Variants in MCFD2 observed in about 807,000 individuals in gnomAD.
MCFD2 encodes the protein multiple coagulation factor deficiency 2, ER cargo receptor complex subunit.
MCFD2 carries 11 observed loss-of-function variants against 12.8 expected under a neutral mutation model. The observed-to-expected ratio is 0.86, with a 90% CI of 0.54 to 1.42. The LOEUF (loss-of-function observed/expected upper bound fraction) is 1.42. Among genes scored for constraint, MCFD2 ranks in the 40% most tolerant of loss-of-function variants. The pLI, the probability that MCFD2 is intolerant of heterozygous loss-of-function variation, is 0.00. For missense variants in MCFD2, 191 were observed against 178.6 expected (o/e 1.07, Z -0.40); for synonymous variants, 70 against 68.1 (o/e 1.03, Z -0.14).
Position 46,941,563 on chromosome 2 carries a change from G to C in MCFD2, c.-8+9C>G. 6.4e-7 allele frequency: 1 copy of C among 1,556,338 alleles called. No individual in the cohort carries two copies. The highest frequency in any genetic ancestry group is 1.2e-5 in the South Asian group (1 of 84,422). On this transcript the variant is annotated intron_variant, in intron 1 of 2. Transcript: ENST00000409147. The surrounding 1 kb of genome is among the most constrained non-coding windows in gnomAD (Gnocchi z 4.2). The stretch of plus-strand genomic sequence containing the variant: ...GAAGATGGCTGCGAAGGGCGCGCAC[G>C]GCTCCTACCTGAAGGTGGAGAGCGA...
chr2:46,922,767 G>A (rs549025952), intron 1 of MCFD2, among the ~76,000 whole-genome samples: 1 of 152,238 alleles, frequency 6.6e-6, no homozygotes, highest in African/African-American at 2.4e-5. Flanking sequence ...ACTGGAGGAA[G>A]CACATCAATT....
chr2:46,935,868 T>C (rs559996478), intron 1 of MCFD2, among the ~76,000 whole-genome samples: 2 of 152,152 alleles, frequency 1.3e-5, no homozygotes, highest in East Asian at 1.9e-4. Flanking sequence ...GGTGGGAGGA[T>C]TGCTAGTGGC....
intron 1 of MCFD2, among the ~76,000 whole-genome samples, chr2:46,928,223 T>G (rs561944234): frequency 1.3e-5 from 2 of 152,036 alleles, no homozygotes; most frequent in African/African-American, 4.8e-5. Context: ...GCATAACAAA[T>G]TACTACCAGT....
chr2:46,902,765 A>G lies in MCFD2; in HGVS notation c.*2698T>C, dbSNP rs1668064120. 6.6e-6 allele frequency: 1 copy of G among 152,202 alleles called. No individual in the cohort carries two copies. The highest frequency in any genetic ancestry group is 1.5e-5 in the Non-Finnish European group (1 of 68,036). The allele number at this position is 152,202 out of a possible 1,614,324, so 9.4% of individuals were successfully genotyped here. On this transcript the variant is annotated 3_prime_UTR_variant, in exon 4 of 4. Coordinates refer to ENST00000319466, the MANE Select transcript of MCFD2 (RefSeq NM_139279.6). The stretch of plus-strand genomic sequence containing the variant: ...ATCCACTTGCCCAGAGCAAGTAATC[A>G]TTTAGGCCAGGGGAACTTTACAGAA...
intron 1 of MCFD2, among the ~76,000 whole-genome samples, chr2:46,929,725 G>GA (rs903313826): frequency 6.6e-6 from 1 of 152,122 alleles, no homozygotes; most frequent in African/African-American, 2.4e-5. Flanking sequence ...CAAAAAGCCA[G>GA]AAAAATAAGA....
At chr2:46,922,396 T>G (rs1669152069) in intron 1 of MCFD2, among the ~76,000 whole-genome samples, 1 of 152,200 alleles carries the variant, frequency 6.6e-6, no homozygotes, top group Non-Finnish European at 1.5e-5. Context: ...CTCAAAGAGC[T>G]TTGATGTTTG....
chr2:46,923,151 T>C (rs1669193800), intron 1 of MCFD2, among the ~76,000 whole-genome samples: 2 of 152,210 alleles, frequency 1.3e-5, no homozygotes, highest in Admixed American at 1.3e-4. Context: ...TCAGCCTCCA[T>C]GTGTTCAGCT....
At chr2:46,926,147 G>A (rs907233871) in intron 1 of MCFD2, among the ~76,000 whole-genome samples, 1 of 152,188 alleles carries the variant, frequency 6.6e-6, no homozygotes, top group Non-Finnish European at 1.5e-5. Flanking sequence ...TCCCTCCACA[G>A]AAGAATCTCC....
chr2:46,918,973 TAC>T (rs2103794427), upstream of MCFD2, among the ~76,000 whole-genome samples: 1 of 152,296 alleles, frequency 6.6e-6, no homozygotes, highest in South Asian at 2.1e-4. Context: ...TTGAAACTAG[TAC>T]AAGTAGAGAC....
Position 46,941,823 on chromosome 2 carries a change from C to A in MCFD2, c.-259G>T. 6.9e-7 allele frequency: 1 copy of A among 1,456,678 alleles called. No individual in the cohort carries two copies. Among genetic ancestry groups the A allele is most frequent in the Non-Finnish European group, 9.3e-7 (1 of 1,074,626 alleles). The allele number at this position is 1,456,678 out of a possible 1,614,324, so 90.2% of individuals were successfully genotyped here. On this transcript the variant is annotated 5_prime_UTR_variant, in exon 1 of 3. Coordinates refer to the MCFD2 transcript ENST00000409147. The surrounding 1 kb of genome is among the most constrained non-coding windows in gnomAD (Gnocchi z 4.2). The stretch of plus-strand genomic sequence containing the variant: ...CAGACAGTCCTCGGCCGACAGCGGG[C>A]GCCTGCCAGCCCACCGTGCTAGTCT...
intron 1 of MCFD2, among the ~76,000 whole-genome samples, chr2:46,931,437 G>A (rs1016342575): frequency 1.2e-4 from 18 of 152,194 alleles, no homozygotes; most frequent in Non-Finnish European, 2.9e-5. Context: ...TTAAATTGAG[G>A]ACCTTGAGAT....
chr2:46,928,343 G>T (rs1289077285), intron 1 of MCFD2, among the ~76,000 whole-genome samples: 1 of 151,578 alleles, frequency 6.6e-6, no homozygotes, highest in Non-Finnish European at 1.5e-5. Flanking sequence ...TCCAGGCCAG[G>T]ATCAACTATG....
Position 46,909,058 on chromosome 2 carries a change from G to A in MCFD2, c.114C>T (p.Ser38=), listed in dbSNP as rs1229857481. 1.9e-6 allele frequency: 3 copies of A among 1,614,240 alleles called. No homozygotes were observed. Among genetic ancestry groups the A allele is most frequent in the Non-Finnish European group, 1.7e-6 (2 of 1,180,044 alleles). ...EPAASFSQPG[S]MGLDKNTVHD... is the part of the protein sequence containing the mutation. ...GCACTGTGTTCTTATCCAGGCCCATGCTGCCGGGTTGGGAGAAGCTGGCTG... is the reference window on the plus strand; with the variant it reads ...GCACTGTGTTCTTATCCAGGCCCATACTGCCGGGTTGGGAGAAGCTGGCTG... The change falls in exon 2 of 4, where the codon AGC becomes AGT. Residue 38 remains serine, a synonymous_variant. Transcript: ENST00000319466.
intron 1 of MCFD2, among the ~76,000 whole-genome samples, chr2:46,930,255 A>C (rs1669621744): frequency 1.3e-5 from 2 of 152,020 alleles, no homozygotes; most frequent in Admixed American, 1.3e-4. Flanking sequence ...AAAATTTATA[A>C]ATCCCTGGAA....
upstream of MCFD2, chr2:46,917,149 C>A (rs1386009119): frequency 1.1e-5 from 8 of 700,610 alleles, no homozygotes; most frequent in East Asian, 1.6e-4. Flanking sequence ...AGAGAAAAAT[C>A]CCATAATCCC....
rs942908495 is a variant in MCFD2 at position 46,938,370 on chromosome 2, G to A, written c.-8+3202C>T. ...TTCCTTAATATCAGTAAACTTCTTG[G>A]GTCATACGCCTATCTAATAATCCTC... On this transcript the variant is annotated intron_variant, in intron 1 of 2. Transcript: ENST00000409147. 5.7e-4 allele frequency among the ~76,000 whole-genome samples: 86 copies of A among 152,016 alleles called. 1 individual carries two copies. The highest frequency in any genetic ancestry group is 2.9e-4 in the Non-Finnish European group (20 of 67,996).
chr2:46,932,393 C>T (rs901352647), intron 1 of MCFD2, among the ~76,000 whole-genome samples: 13 of 152,114 alleles, frequency 8.5e-5, no homozygotes, highest in Admixed American at 5.9e-4. Context: ...ATATGATCCT[C>T]GCACCTTGGC....
At chr2:46,913,677 G>A (rs1381202929) in intron 1 of MCFD2, 1 of 152,342 alleles carries the variant, frequency 6.6e-6, no homozygotes, top group African/African-American at 2.4e-5. Flanking sequence ...TTCTGCAAAG[G>A]GACTTCAGGG....
chr2:46,915,806 G>GGGGGGGGGGGGGGGCCCC, upstream of MCFD2: 3 of 512,578 alleles, frequency 5.9e-6, no homozygotes, highest in Non-Finnish European at 6.4e-6. Context: ...CCTCGGCTTC[G>GGGGGGGGGGGGGGGCCCC]CCCCGCCCCC....
Sources: allele counts gnomAD v4.1 joint callset (sites outside exome capture counted in the v4.1 genomes callset), GRCh38; gene constraint gnomAD v4.1.1; non-coding constraint Gnocchi (gnomAD v3.1); transcripts MANE v1.5; gene names NCBI Gene and HGNC (gene_info 2026-07-23, HGNC 2026-07-21).